The following SPAG6 variants were observed in gnomAD, a reference collection of about 807,000 sequenced individuals.
SPAG6 encodes the protein sperm-associated antigen 6.
In SPAG6, 49 loss-of-function variants were observed where a neutral mutation model predicts 58.5. The observed-to-expected ratio is 0.84, with a 90% CI of 0.67 to 1.06. SPAG6 has a LOEUF of 1.06. SPAG6 is among the 50% of genes least tolerant of loss of function. The pLI is 0.00. For synonymous variants in SPAG6, 233 were observed against 225.6 expected (o/e 1.03, Z -0.29); for missense variants, 560 against 611.3 (o/e 0.92, Z 0.89).
intron 8 of SPAG6, among the ~76,000 whole-genome samples, chr10:22,395,740 T>C (rs1005209843): frequency 1.3e-5 from 2 of 152,224 alleles, no homozygotes; most frequent in Non-Finnish European, 2.9e-5. Context: ...GAAATTCAAT[T>C]GCATATGCTT....
At position 22,364,991 on chromosome 10, in the gene SPAG6, A is replaced by T. The variant is rs1026021845; in HGVS notation, c.260A>T (p.Gln87Leu). ...GTTGTGAAGTGCGACATTCTTCCAC[A>T]GCTTGTTTATTCATTGGCAGAACAG... ...EAVVKCDILP[Q>L]LVYSLAEQNR... Residue 87 changes from glutamine to leucine, a missense_variant, in exon 3 of 11, where the codon CAG becomes CTG. Transcript: ENST00000376624. 6.2e-7 allele frequency: 1 copy of T among 1,608,720 alleles called. No homozygotes were observed. The highest frequency in any genetic ancestry group is 1.3e-5 in the African/African-American group (1 of 74,796).
At chr10:22,369,763 C>T (rs1364652090) in intron 4 of SPAG6, among the ~76,000 whole-genome samples, 1 of 152,126 alleles carries the variant, frequency 6.6e-6, no homozygotes, top group East Asian at 1.9e-4. Context: ...TATGGCAATA[C>T]TCAGTAAATG....
In SPAG6 at chr10:22,346,653, A is replaced by G. The variant is rs141162297; in HGVS notation, c.121+835A>G. Among the ~76,000 whole-genome samples the G allele has an allele frequency of 4.8e-3, 731 of 152,120 alleles. 10 individuals carry two copies. The highest frequency in any genetic ancestry group is 0.017 in the African/African-American group (693 of 41,486). On this transcript the variant is annotated intron_variant, in intron 2 of 10. Transcript: ENST00000376624. ...CAGTTTATAGGATGTGATCTTTAAA[A>G]CTAACACATAATTTAAACAATTAAC... is the stretch of plus-strand genomic sequence containing the variant.
At chr10:22,366,994 C>G (rs747689173) in intron 3 of SPAG6, among the ~76,000 whole-genome samples, 6 of 150,558 alleles carry the variant, frequency 4.0e-5, no homozygotes, top group Non-Finnish European at 5.9e-5. Flanking sequence ...GTACAAAGTC[C>G]TGTGGTTTTG....
chr10:22,417,357 T>G lies in SPAG6; in HGVS notation c.*669T>G, dbSNP rs1272616040. The G allele has an allele frequency of 1.3e-5, 2 of 152,196 alleles. No homozygotes were observed. The highest frequency in any genetic ancestry group is 2.9e-5 in the Non-Finnish European group (2 of 68,040). 9.4% of individuals were successfully genotyped at this position (152,196 alleles called of 1,614,324 possible). A position where few individuals can be genotyped will look rare whatever the true frequency, so the allele number is the denominator to read the frequency against. ...TAGAATTCAGAATAGAGAGTTATAC[T>G]CCTGCATACATGCTCTCCCTCTCAT... is the stretch of plus-strand genomic sequence containing the variant. On this transcript the variant is annotated 3_prime_UTR_variant, in exon 11 of 11. Coordinates refer to ENST00000376624, the MANE Select transcript of SPAG6 (RefSeq NM_012443.4).
At chr10:22,366,432 AT>A (rs1588643867) in intron 3 of SPAG6, among the ~76,000 whole-genome samples, 1 of 152,142 alleles carries the variant, frequency 6.6e-6, no homozygotes, top group East Asian at 1.9e-4. Flanking sequence ...TGACTGCTTT[AT>A]TTGTAAGAAG....
chr10:22,401,809 G>C (rs958824257), intron 9 of SPAG6, among the ~76,000 whole-genome samples: 2 of 152,164 alleles, frequency 1.3e-5, no homozygotes, highest in African/African-American at 4.8e-5. Context: ...AGGTAGAAAG[G>C]TCAAGCTGCT....
chr10:22,392,002 A>G (rs946843485), intron 8 of SPAG6, 82 bp downstream of exon 8: 5 of 914,564 alleles, frequency 5.5e-6, no homozygotes, highest in African/African-American at 5.0e-5. Flanking sequence ...TTCATCATGG[A>G]CAATATTGTT....
rs1184168134 is a variant in SPAG6, at chr10:22,346,481, CTTCTTCTTCTTCTTCT to C, written c.121+679_121+694del. ...TCTTCTTCTTCTTCTTCTTCTTCTT[CTTCTTCTTCTTCTTCT>C]TTCTTCTTCTTCTTCCTCTTCTTCT... is the stretch of plus-strand genomic sequence containing the variant. On this transcript the variant is annotated intron_variant, in intron 2 of 10. Coordinates refer to ENST00000376624, the MANE Select transcript of SPAG6 (RefSeq NM_012443.4). 1.9e-3 allele frequency among the ~76,000 whole-genome samples: 269 copies of C among 139,556 alleles called. 7 individuals carry two copies. The highest frequency in any genetic ancestry group is 7.7e-3 in the African/African-American group (242 of 31,258). The allele number at this position is 139,556 out of a possible 152,430, so 91.6% of individuals were successfully genotyped here. A position where few individuals can be genotyped will look rare whatever the true frequency, so the allele number is the denominator to read the frequency against.
chr10:22,356,473 T>G (rs1458193023), intron 2 of SPAG6, among the ~76,000 whole-genome samples: 2 of 152,204 alleles, frequency 1.3e-5, no homozygotes, highest in African/African-American at 4.8e-5. Flanking sequence ...GACTTTCCTT[T>G]CCCCTTAAAA....
At chr10:22,407,253 C>T (rs913890173) in intron 9 of SPAG6, among the ~76,000 whole-genome samples, 46 of 151,726 alleles carry the variant, frequency 3.0e-4, no homozygotes, top group Non-Finnish European at 6.2e-4. Flanking sequence ...TACATTTTGG[C>T]ATGATTTTGC....
chr10:22,417,433 A>G lies in SPAG6; in HGVS notation c.*745A>G, dbSNP rs1394045520. On this transcript the variant is annotated 3_prime_UTR_variant, in exon 11 of 11. Transcript: ENST00000376624. ...CTCATGAATGAACAAAGAAGCAGGC[A>G]TGTAAAATGGATCCTTGTCCTAACG... The G allele has an allele frequency of 6.6e-6, 1 of 152,226 alleles. No homozygotes were observed. The highest frequency in any genetic ancestry group is 2.4e-5 in the African/African-American group (1 of 41,466). The allele number at this position is 152,226 out of a possible 1,614,324, so 9.4% of individuals were successfully genotyped here.
At chr10:22,406,392 T>C (rs536687033) in intron 9 of SPAG6, among the ~76,000 whole-genome samples, 95 of 152,350 alleles carry the variant, frequency 6.2e-4, no homozygotes, top group Non-Finnish European at 2.9e-4. Flanking sequence ...CATTTCGTTA[T>C]GTATCCAGTA....
In SPAG6 at chr10:22,401,019, C is replaced by A. The variant is rs1348594200; in HGVS notation, c.1198-142C>A. The A allele has an allele frequency of 6.9e-6, 4 of 578,266 alleles. No individual in the cohort carries two copies. The African/African-American group carries it at 7.5e-5, about 11-fold the overall frequency. 35.8% of individuals were successfully genotyped at this position (578,266 alleles called of 1,614,324 possible). On this transcript the variant is annotated intron_variant, in intron 8 of 10. Coordinates refer to ENST00000376624, the MANE Select transcript of SPAG6 (RefSeq NM_012443.4). ...AATCCAAGCAGGAGTTTTTTTTGGACAACAATTTTAAAAAATGAAACAACT... is the reference window on the plus strand; with the variant it reads ...AATCCAAGCAGGAGTTTTTTTTGGAAAACAATTTTAAAAAATGAAACAACT...
At chr10:22,347,992 A>G (rs1836614556) in intron 2 of SPAG6, among the ~76,000 whole-genome samples, 1 of 139,568 alleles carries the variant, frequency 7.2e-6, no homozygotes, top group Non-Finnish European at 1.5e-5. Flanking sequence ...TGTTATGAAA[A>G]CTTTTCTTTC....
intron 2 of SPAG6, among the ~76,000 whole-genome samples, chr10:22,355,898 A>G (rs1035588354): frequency 5.3e-5 from 8 of 152,348 alleles, no homozygotes; most frequent in African/African-American, 1.9e-4. Flanking sequence ...AAATGAGAAC[A>G]TGTTATACAA....
intron 10 of SPAG6, among the ~76,000 whole-genome samples, chr10:22,414,551 G>GTTAGAA (rs891407812): frequency 1.3e-5 from 2 of 152,102 alleles, no homozygotes; most frequent in African/African-American, 4.8e-5. Context: ...CTATTTCATA[G>GTTAGAA]TTAGAATTAA....
chr10:22,346,500 C>CTTCTTCT (rs1836557873), intron 2 of SPAG6, among the ~76,000 whole-genome samples: 14 of 111,132 alleles, frequency 1.3e-4, no homozygotes, highest in South Asian at 5.8e-4. Flanking sequence ...CTTCTTCTTT[C>CTTCTTCT]TTCTTCTTCT....
chr10:22,406,084 AC>A (rs1834546909), intron 9 of SPAG6, among the ~76,000 whole-genome samples: 1 of 152,078 alleles, frequency 6.6e-6, no homozygotes, highest in African/African-American at 2.4e-5. Context: ...TTTTCAAAAA[AC>A]CAGCTCCTGG....
Sources: allele counts gnomAD v4.1 joint callset (sites outside exome capture counted in the v4.1 genomes callset), GRCh38; gene constraint gnomAD v4.1.1; transcripts MANE v1.5; gene names NCBI Gene and HGNC (gene_info 2026-07-23, HGNC 2026-07-21).